GLB1L: variants seen among roughly 807,000 people sequenced by gnomAD.
The protein encoded by GLB1L is galactosidase beta 1 like.
A neutral mutation model predicts 75.7 loss-of-function variants in GLB1L; 58 were observed. The observed-to-expected ratio is 0.77, with a 90% CI of 0.62 to 0.95. The LOEUF (loss-of-function observed/expected upper bound fraction) is 0.95, where lower values mean the gene tolerates loss of function less well. Ranked by LOEUF, GLB1L falls within the 40% of genes least tolerant of loss-of-function variation. The pLI, the probability that GLB1L is intolerant of heterozygous loss-of-function variation, is 0.00. For missense variants in GLB1L, 797 were observed against 805.5 expected (o/e 0.99, Z 0.13); for synonymous variants, 296 against 303.0 (o/e 0.98, Z 0.24).
chr2:219,243,670 C>T, intron 1 of GLB1L, 27 bp from the exon 2 acceptor site: 1 of 1,214,060 alleles, frequency 8.2e-7, no homozygotes, highest in South Asian at 1.2e-5. Context: ...GCGGAAACCA[C>T]CTCAAGTTGC....
chr2:219,242,650 G>T, intron 4 of GLB1L, 76 bp from the exon 5 acceptor site: 1 of 1,524,380 alleles, frequency 6.6e-7, no homozygotes, highest in South Asian at 1.1e-5. Context: ...AGGAAGGGAA[G>T]GAAGGAAGGG....
chr2:219,244,349 T>C (rs559032961), intron 1 of GLB1L, among the ~76,000 whole-genome samples: 2 of 151,914 alleles, frequency 1.3e-5, no homozygotes, highest in Admixed American at 6.6e-5. Context: ...CAGGGCCGGG[T>C]ATATAGTAGG....
intron 9 of GLB1L, 27 bp downstream of exon 9, chr2:219,239,534 C>T: frequency 6.2e-7 from 1 of 1,614,128 alleles, no homozygotes; most frequent in Non-Finnish European, 8.5e-7. Context: ...GCTACAGATT[C>T]ATATTGCCCC....
chr2:219,237,363 C>T lies in GLB1L; in HGVS notation c.1690-16G>A. The T allele has an allele frequency of 6.2e-7, 1 of 1,609,622 alleles. No homozygotes were observed. The highest frequency in any genetic ancestry group is 8.5e-7 in the Non-Finnish European group (1 of 1,177,176). ...AGACTTGGCCCTGGGGAATAGGGAG[C>T]AGGAAAGAGGGGAAAAGAAAGGGTC... On this transcript the variant is annotated splice_polypyrimidine_tract_variant and intron_variant, in intron 16 of 16. Coordinates refer to ENST00000295759, the MANE Select transcript of GLB1L (RefSeq NM_001286423.2).
In GLB1L at chr2:219,245,406, C is replaced by A. The variant is rs1294037497; in HGVS notation, c.-248G>T. On this transcript the variant is annotated 5_prime_UTR_variant, in exon 1 of 17. Coordinates refer to ENST00000295759, the MANE Select transcript of GLB1L (RefSeq NM_001286423.2). Reference sequence around the variant, plus strand: ...AGCCCGGAGCCTCTCAGCTCCGCGTCCCCACATCCTCCGGATGCCCAGCGG... The same window carrying A: ...AGCCCGGAGCCTCTCAGCTCCGCGTACCCACATCCTCCGGATGCCCAGCGG... The A allele has an allele frequency of 6.6e-6, 1 of 152,558 alleles. No homozygotes were observed. 9.5% of individuals were successfully genotyped at this position (152,558 alleles called of 1,614,324 possible).
Position 219,243,213 on chromosome 2 carries a change from T to C in GLB1L, c.174A>G (p.Val58=), listed in dbSNP as rs1048536236. The C allele has an allele frequency of 1.2e-6, 2 of 1,614,086 alleles. No individual in the cohort carries two copies. Among genetic ancestry groups the C allele is most frequent in the South Asian group, 1.1e-5 (1 of 91,070 alleles). ...YVSGSLHYFR[V]PRVLWADRLL... The stretch of plus-strand genomic sequence containing the variant: ...GCCGGTCGGCCCAAAGCACCCGCGG[T>C]ACCCGAAAGTAGTGCAGGCTGCCAG... The change falls in exon 3 of 17, where the codon GTA becomes GTG. Residue 58 remains valine (V), a synonymous_variant. Coordinates refer to ENST00000295759, the MANE Select transcript of GLB1L (RefSeq NM_001286423.2).
chr2:219,242,383 G>A (rs1382326084), intron 5 of GLB1L, 131 bp downstream of exon 5: 6 of 765,752 alleles, frequency 7.8e-6, no homozygotes, highest in Non-Finnish European at 7.1e-6. Context: ...CTAGCATCCT[G>A]CTGGGCATGA....
chr2:219,243,211 G>A lies in GLB1L; in HGVS notation c.176C>T (p.Pro59Leu). 2.5e-6 allele frequency: 4 copies of A among 1,614,110 alleles called. No individual in the cohort carries two copies. Among genetic ancestry groups the A allele is most frequent in the South Asian group, 1.1e-5 (1 of 91,074 alleles). The change falls in exon 3 of 17, where the codon CCG becomes CTG. Residue 59 changes from proline (P) to leucine (L), a missense_variant. Physicochemically the swap from Pro to Leu is moderately conservative, Grantham distance 98 (BLOSUM62 -3). Transcript: ENST00000295759. ...AAGCCGGTCGGCCCAAAGCACCCGC[G>A]GTACCCGAAAGTAGTGCAGGCTGCC... is the stretch of plus-strand genomic sequence containing the variant. The part of the protein sequence containing the change: ...VSGSLHYFRV[P>L]RVLWADRLLK...
At position 219,237,178 on chromosome 2, in the gene GLB1L, T is replaced by C. The variant is rs1402143640; in HGVS notation, c.1859A>G (p.Asp620Gly). The change falls in exon 17 of 17, where the codon GAT (aspartate) becomes GGT (glycine). Residue 620 changes from aspartate (D) to glycine (G), a missense_variant. Coordinates refer to ENST00000295759, the MANE Select transcript of GLB1L (RefSeq NM_001286423.2). Reference sequence around the variant, plus strand: ...ACTAGTGCTATTGAGGATAGGCTTATCCAAAAATTGGACTTGGGGCTGGAG... The same window carrying C: ...ACTAGTGCTATTGAGGATAGGCTTACCCAAAAATTGGACTTGGGGCTGGAG... Reference protein sequence around the residue: ...VPLQPQVQFLDKPILNSTSTL... With the variant: ...VPLQPQVQFLGKPILNSTSTL... 6.2e-7 allele frequency: 1 copy of C among 1,614,190 alleles called. No individual in the cohort carries two copies. The highest frequency in any genetic ancestry group is 1.7e-5 in the Admixed American group (1 of 60,022).
In GLB1L at chr2:219,239,648, T is replaced by C. The variant is rs779202174; in HGVS notation, c.815A>G (p.Tyr272Cys). The C allele has an allele frequency of 6.2e-7, 1 of 1,614,172 alleles. No homozygotes were observed. Among genetic ancestry groups the C allele is most frequent in the East Asian group, 2.2e-5 (1 of 44,882 alleles). The change falls in exon 9 of 17, where the codon TAC becomes TGC. Residue 272 changes from tyrosine (Y) to cysteine (C), a missense_variant. Transcript: ENST00000295759. Reference protein sequence around the residue: ...NSEYYTGWLDYWGQNHSTRSV... With the variant: ...NSEYYTGWLDCWGQNHSTRSV... ...CCGTGTGGAGTGATTCTGGCCCCAG[T>C]AATCCAGCCAGCCTGTGTAGTACTC...
intron 16 of GLB1L, 74 bp downstream of exon 16, chr2:219,237,438 A>G: frequency 1.2e-6 from 2 of 1,600,886 alleles, no homozygotes; most frequent in Non-Finnish European, 1.7e-6. Flanking sequence ...ATCAGAGGAT[A>G]CTTTCTGCTC....
At chr2:219,244,104 C>T (rs1951470846) in intron 1 of GLB1L, among the ~76,000 whole-genome samples, 1 of 152,170 alleles carries the variant, frequency 6.6e-6, no homozygotes, top group African/African-American at 2.4e-5. Context: ...GATCCTGCCA[C>T]TGCACTCCAG....
At chr2:219,238,448 T>C in intron 13 of GLB1L, 47 bp downstream of exon 13, 1 of 1,577,866 alleles carries the variant, frequency 6.3e-7, no homozygotes, top group Non-Finnish European at 8.7e-7. Flanking sequence ...TGCGTATAGC[T>C]GTTAAGGGAG....
In GLB1L at chr2:219,239,440, T is replaced by C. The variant is rs776555855; in HGVS notation, c.914A>G (p.His305Arg). The change falls in exon 10 of 17, where the codon CAT (histidine) becomes CGT (arginine). Residue 305 changes from histidine to arginine, a missense_variant. Physicochemically the swap from His to Arg is conservative, Grantham distance 29. Transcript: ENST00000295759. Reference protein sequence around the residue: ...LGASVNMYMFHGGTNFGYWNG... With the variant: ...LGASVNMYMFRGGTNFGYWNG... ...CCAATATCCAAAGTTGGTACCTCCA[T>C]GGAACATGTACCTGAAGTGAGAGAG... is the stretch of plus-strand genomic sequence containing the variant. 4.5e-5 allele frequency: 72 copies of C among 1,606,796 alleles called. No individual in the cohort carries two copies. In the Admixed American group the frequency reaches 1.2e-3, roughly 27 times the overall value.
intron 14 of GLB1L, 52 bp downstream of exon 14, chr2:219,238,198 T>C: frequency 7.5e-7 from 1 of 1,330,062 alleles, no homozygotes; most frequent in Non-Finnish European, 1.1e-6. Context: ...AGGCTAACGC[T>C]TCCTGGGGAA....
Position 219,237,576 on chromosome 2 carries a change from G to T in GLB1L, c.1625C>A (p.Ser542Tyr). Reference protein sequence around the residue: ...PQAPSGPTFYSKTFPILGSVG... With the variant: ...PQAPSGPTFYYKTFPILGSVG... ...TGAGCCTAAAATTGGAAATGTTTTG[G>T]AGTAGAATGTGGGGCCAGAAGGAGC... The change falls in exon 16 of 17, where the codon TCC becomes TAC. Residue 542 changes from serine (S) to tyrosine (Y), a missense_variant. Ser to Tyr is a moderately radical substitution (Grantham distance 144). Transcript: ENST00000295759. 5 of 1,614,150 alleles carry T rather than the reference G, an allele frequency of 3.1e-6. No homozygotes were observed. Among genetic ancestry groups the T allele is most frequent in the Non-Finnish European group, 4.2e-6 (5 of 1,180,020 alleles).
In GLB1L at chr2:219,239,169, A is replaced by G. The variant is rs1951325212; in HGVS notation, c.985T>C (p.Tyr329His). 2.5e-6 allele frequency: 4 copies of G among 1,614,070 alleles called. No homozygotes were observed. Among genetic ancestry groups the G allele is most frequent in the Non-Finnish European group, 3.4e-6 (4 of 1,179,976 alleles). The change falls in exon 11 of 17, where the codon TAT (tyrosine) becomes CAT (histidine). Residue 329 changes from tyrosine (Y) to histidine (H), a missense_variant. Tyr to His is a moderately conservative substitution (Grantham distance 83). Transcript: ENST00000295759. ...TCAGATATAGGTGCATCATAGTCAT[A>G]GCTGGTAGTAATCGGAAGGAAGCGT... ...KGRFLPITTS[Y>H]DYDAPISEAG...
In GLB1L at chr2:219,237,581, G is replaced by C. The variant is rs770047361; in HGVS notation, c.1620C>G (p.Phe540Leu). Reference sequence around the variant, plus strand: ...CTAAAATTGGAAATGTTTTGGAGTAGAATGTGGGGCCAGAAGGAGCTTGAG... The same window carrying C: ...CTAAAATTGGAAATGTTTTGGAGTACAATGTGGGGCCAGAAGGAGCTTGAG... The part of the protein sequence containing the change: ...PYPQAPSGPT[F>L]YSKTFPILGS... The change falls in exon 16 of 17, where the codon TTC becomes TTG. Residue 540 changes from phenylalanine to leucine, a missense_variant. By Grantham distance (22) the Phe-to-Leu change is conservative (BLOSUM62 0). Transcript: ENST00000295759. 60 of 1,614,068 alleles carry C rather than the reference G, an allele frequency of 3.7e-5. No homozygotes were observed. Among genetic ancestry groups the C allele is most frequent in the Non-Finnish European group, 5.1e-5 (60 of 1,180,040 alleles).
chr2:219,242,388 G>T, intron 5 of GLB1L, 126 bp downstream of exon 5: 1 of 776,612 alleles, frequency 1.3e-6, no homozygotes, highest in Non-Finnish European at 2.3e-6. Flanking sequence ...ATCCTGCTGG[G>T]CATGAAGGAA....
Sources: allele counts gnomAD v4.1 joint callset (sites outside exome capture counted in the v4.1 genomes callset), GRCh38; gene constraint gnomAD v4.1.1; transcripts MANE v1.5; gene names NCBI Gene and HGNC (gene_info 2026-07-23, HGNC 2026-07-21).